SYNE2: variants seen among roughly 807,000 people sequenced by gnomAD.
SYNE2 encodes the protein nesprin-2.
SYNE2 carries 431 observed loss-of-function variants against 856.3 expected under a neutral mutation model. The observed-to-expected ratio is 0.50, with a 90% confidence interval of 0.47 to 0.55. The LOEUF is 0.55. Among genes scored for constraint, SYNE2 ranks in the 20% least tolerant of loss-of-function variants. The probability of loss-of-function intolerance (pLI) is 0.00; values close to 1 mark genes in which losing one functional copy is unlikely to be tolerated. For synonymous variants in SYNE2, 2,923 were observed against 2,872.3 expected (o/e 1.02, Z -0.56); for missense variants, 8,129 against 8,023.2 (o/e 1.01, Z -0.50).
chr14:63,775,338 G>C (rs1374801038), intron 1 of SYNE2, among the ~76,000 whole-genome samples: 1 of 150,002 alleles, frequency 6.7e-6, no homozygotes, highest in African/African-American at 2.5e-5. Flanking sequence ...GCAGTGGTGT[G>C]ATCTCGGCTC....
intron 8 of SYNE2, among the ~76,000 whole-genome samples, chr14:63,961,305 A>T (rs1266464389): frequency 6.6e-6 from 1 of 152,252 alleles, no homozygotes; most frequent in Non-Finnish European, 1.5e-5. Flanking sequence ...TACTAGTGCC[A>T]GGATTTAACC....
intron 1 of SYNE2, among the ~76,000 whole-genome samples, chr14:63,898,327 CCT>C (rs2095287083): frequency 6.6e-6 from 1 of 152,154 alleles, no homozygotes; most frequent in Non-Finnish European, 1.5e-5. Flanking sequence ...ATGCCCAGTC[CCT>C]GTTTTTCTCA....
At chr14:64,157,813 G>A (rs2098297916) in intron 85 of SYNE2, among the ~76,000 whole-genome samples, 1 of 151,994 alleles carries the variant, frequency 6.6e-6, no homozygotes, top group African/African-American at 2.4e-5. Flanking sequence ...TTTTGATTTA[G>A]GTTTCCTTAA....
chr14:63,880,693 G>A (rs1222071401), intron 1 of SYNE2, among the ~76,000 whole-genome samples: 1 of 128,692 alleles, frequency 7.8e-6, no homozygotes, highest in East Asian at 2.3e-4. Flanking sequence ...TTTTTTTTAA[G>A]ACAGGGTCTC....
In SYNE2 at chr14:64,025,409, C is replaced by T. The variant is rs2096969921; in HGVS notation, c.6240C>T (p.Ile2080=). ...SEGKMPLEER[I]QKIKEIILLK... ...GCAAAATGCCACTTGAGGAAAGAATCCAAAAAATCAAGGTATAACTATGGA... is the reference window on the plus strand; with the variant it reads ...GCAAAATGCCACTTGAGGAAAGAATTCAAAAAATCAAGGTATAACTATGGA... Residue 2080 remains isoleucine (I), a synonymous_variant, in exon 41 of 116, where the codon ATC becomes ATT. Transcript: ENST00000555002. 1 of 1,611,904 alleles carries T rather than the reference C, an allele frequency of 6.2e-7. No individual in the cohort carries two copies. The highest frequency in any genetic ancestry group is 1.1e-5 in the South Asian group (1 of 90,830).
chr14:63,999,505 C>G (rs1274041411), intron 27 of SYNE2, among the ~76,000 whole-genome samples: 2 of 152,170 alleles, frequency 1.3e-5, no homozygotes, highest in African/African-American at 4.8e-5. Flanking sequence ...TGCTGACTGT[C>G]TGATGTTGGG....
chr14:63,876,815 TAATCGTATCA>T (rs1402535639), intron 1 of SYNE2, among the ~76,000 whole-genome samples: 2 of 152,078 alleles, frequency 1.3e-5, no homozygotes, highest in Non-Finnish European at 2.9e-5. Flanking sequence ...ACTGCATTGC[TAATCGTATCA>T]AATAAACCGA....
At chr14:63,901,365 T>A (rs536297982) in intron 1 of SYNE2, among the ~76,000 whole-genome samples, 1 of 152,254 alleles carries the variant, frequency 6.6e-6, no homozygotes, top group Non-Finnish European at 1.5e-5. Flanking sequence ...CTCATTTTGC[T>A]GTCATTTCAT....
At chr14:63,939,641 TC>T (rs777010826) in intron 2 of SYNE2, among the ~76,000 whole-genome samples, 2 of 152,246 alleles carry the variant, frequency 1.3e-5, no homozygotes. Context: ...AACCACCACA[TC>T]CGACCCCTAC....
chr14:63,954,232 T>A (rs2096210658), intron 7 of SYNE2, among the ~76,000 whole-genome samples: 2 of 152,184 alleles, frequency 1.3e-5, no homozygotes, highest in Admixed American at 1.3e-4. Flanking sequence ...ACACAATGTA[T>A]CATTTAATTT....
intron 1 of SYNE2, among the ~76,000 whole-genome samples, chr14:63,795,495 T>C (rs1887887773): frequency 6.6e-6 from 1 of 152,056 alleles, no homozygotes; most frequent in East Asian, 1.9e-4. Flanking sequence ...AGTTAATACT[T>C]AATAAACTCC....
intron 9 of SYNE2, 141 bp from the exon 10 acceptor site, chr14:63,963,758 A>C (rs771817314): frequency 1.5e-6 from 1 of 670,720 alleles, no homozygotes; most frequent in Non-Finnish European, 2.7e-6. Flanking sequence ...TATGTGAACA[A>C]GTGAAATTAC....
chr14:63,856,131 T>C (rs971522892), intron 1 of SYNE2, among the ~76,000 whole-genome samples: 4 of 152,166 alleles, frequency 2.6e-5, no homozygotes, highest in South Asian at 2.1e-4. Flanking sequence ...TGAGAGGTCA[T>C]TGTGGCTGAG....
At chr14:63,815,258 A>ATCCAT (rs1888929489) in intron 1 of SYNE2, among the ~76,000 whole-genome samples, 2 of 138,308 alleles carry the variant, frequency 1.4e-5, no homozygotes, top group Non-Finnish European at 3.1e-5. Context: ...ATATATATAT[A>ATCCAT]AGGGAGTTTA....
At chr14:64,096,781 T>C (rs2153634263) in intron 61 of SYNE2, among the ~76,000 whole-genome samples, 1 of 152,316 alleles carries the variant, frequency 6.6e-6, no homozygotes, top group East Asian at 1.9e-4. Flanking sequence ...TAGAACTCTC[T>C]CTTGCAGGTG....
intron 48 of SYNE2, among the ~76,000 whole-genome samples, chr14:64,054,240 A>G (rs1021613563): frequency 6.6e-6 from 1 of 152,112 alleles, no homozygotes; most frequent in Admixed American, 6.5e-5. Flanking sequence ...TTGAGCTCAG[A>G]ACATTTTTAA....
chr14:64,152,637 G>C lies in SYNE2; in HGVS notation c.15713G>C (p.Ser5238Thr). ...AAACAAAGTTATCTGACTTTGGAGA[G>C]TGGGGCAGTGCCATTGTTAGAAGAT... ...ELKQSYLTLESGAVPLLEDTA... is the reference protein window; with the variant it reads ...ELKQSYLTLETGAVPLLEDTA... Residue 5238 changes from serine to threonine, a missense_variant, in exon 85 of 116, where the codon AGT becomes ACT. Physicochemically the swap from Ser to Thr is moderately conservative, Grantham distance 58. Around this residue, in one of 3 missense-constraint regions of SYNE2, gnomAD observed 5,410 missense variants for 5,284.8 expected, o/e 1.02. Coordinates refer to ENST00000555002, the MANE Select transcript of SYNE2 (RefSeq NM_182914.3). 6.2e-7 allele frequency: 1 copy of C among 1,614,118 alleles called. No individual in the cohort carries two copies. Among genetic ancestry groups the C allele is most frequent in the Non-Finnish European group, 8.5e-7 (1 of 1,180,012 alleles).
intron 44 of SYNE2, 94 bp from the exon 45 acceptor site, chr14:64,030,922 T>C (rs1473571079): frequency 1.4e-5 from 14 of 990,100 alleles, no homozygotes; most frequent in Admixed American, 2.1e-5. Context: ...TAAATATTTC[T>C]ACTGGTGAAG....
chr14:64,211,177 C>T (rs945803624), intron 103 of SYNE2, among the ~76,000 whole-genome samples: 1 of 152,182 alleles, frequency 6.6e-6, no homozygotes, highest in African/African-American at 2.4e-5. Flanking sequence ...TGGGGTCTCA[C>T]TATGTTGCCC....
Sources: allele counts gnomAD v4.1 joint callset (sites outside exome capture counted in the v4.1 genomes callset), GRCh38; gene constraint gnomAD v4.1.1; regional missense constraint gnomAD v4.1.1; transcripts MANE v1.5; gene names NCBI Gene and HGNC (gene_info 2026-07-23, HGNC 2026-07-21).